The following KAZN variants were observed in gnomAD, a reference collection of about 807,000 sequenced individuals.
KAZN encodes the protein kazrin.
In KAZN, 40 loss-of-function variants were observed where a neutral mutation model predicts 87.4. The observed-to-expected ratio is 0.46, with a 90% CI of 0.36 to 0.60. The LOEUF (loss-of-function observed/expected upper bound fraction) is 0.60, where lower values mean the gene tolerates loss of function less well. KAZN is among the 20% of genes least tolerant of loss of function. The pLI, the probability that KAZN is intolerant of heterozygous loss-of-function variation, is 0.00. For missense variants in KAZN, 898 were observed against 1,073.9 expected, an observed-to-expected ratio of 0.84 and a Z score of 2.29; for synonymous variants, 466 against 458.3, an observed-to-expected ratio of 1.02 and a Z score of -0.22.
chr1:14,507,036 T>C (rs1053725273), intron 2 of KAZN, among the ~76,000 whole-genome samples: 15 of 152,152 alleles, frequency 9.9e-5, no homozygotes, highest in African/African-American at 2.7e-4. Flanking sequence ...CTTCCAAACA[T>C]AGATTTTCGT....
chr1:14,172,921 G>A (rs1273558311), intron 1 of KAZN, among the ~76,000 whole-genome samples: 2 of 152,200 alleles, frequency 1.3e-5, no homozygotes, highest in Non-Finnish European at 2.9e-5. Flanking sequence ...CTTCCTCCAA[G>A]TATGGCGGTC....
intron 1 of KAZN, among the ~76,000 whole-genome samples, chr1:14,730,539 G>C (rs1355958975): frequency 6.6e-6 from 1 of 152,132 alleles, no homozygotes; most frequent in Non-Finnish European, 1.5e-5. Context: ...AACACAGGCA[G>C]AGTCTCATGT....
intron 4 of KAZN, among the ~76,000 whole-genome samples, chr1:15,051,670 A>G (rs11586302): frequency 0.14 from 20,599 of 152,176 alleles, 2,527 homozygotes; most frequent in African/African-American, 0.33. Flanking sequence ...TGTGGAGCCT[A>G]CCTTGGGATC....
intron 1 of KAZN, among the ~76,000 whole-genome samples, chr1:14,766,722 C>T (rs186122569): frequency 1.9e-3 from 282 of 150,020 alleles, no homozygotes; most frequent in Middle Eastern, 3.4e-3. Flanking sequence ...ATTTATCCCA[C>T]GATGGGAGGC....
rs147005362 is a variant in KAZN at position 14,476,858 on chromosome 1, G to A, written c.250-122125G>A. ...CTTCTTTGTCCACTTCTCTCTAGCC[G>A]TGGCGATACCTTTTTGTTCTCCGAC... is the stretch of plus-strand genomic sequence containing the variant. On this transcript the variant is annotated intron_variant, in intron 2 of 16. Coordinates refer to the KAZN transcript ENST00000636203. Among the ~76,000 whole-genome samples, 1,477 of 152,080 alleles carry A rather than the reference G, an allele frequency of 9.7e-3. 17 individuals are homozygous for A. Among genetic ancestry groups the A allele is most frequent in the Middle Eastern group, 0.024 (7 of 294 alleles).
intron 2 of KAZN, among the ~76,000 whole-genome samples, chr1:14,425,745 A>C (rs747902606): frequency 3.0e-4 from 46 of 152,138 alleles, no homozygotes; most frequent in Admixed American, 3.0e-3. Context: ...TGGTCCTCCC[A>C]GTGGCCCTGG....
intron 2 of KAZN, among the ~76,000 whole-genome samples, chr1:14,529,376 G>GTC (rs1337346229): frequency 6.6e-6 from 1 of 152,222 alleles, no homozygotes; most frequent in East Asian, 1.9e-4. Context: ...AGCATCATGT[G>GTC]TCTCTGAGGG....
intron 2 of KAZN, chr1:14,221,775 T>C (rs1647104633): frequency 1.3e-5 from 2 of 152,166 alleles, no homozygotes; most frequent in Admixed American, 6.5e-5. Flanking sequence ...GTGATATGGA[T>C]AATCAAGAAT....
At position 15,043,092 on chromosome 1, in the gene KAZN, G is replaced by A. The variant is rs1275923873; in HGVS notation, c.556-897G>A. On this transcript the variant is annotated intron_variant, in intron 3 of 14. Transcript: ENST00000376030. ...CACAGAAAACAGCTCATGCAGGAGG[G>A]CCAGCCTGGGGAGGGGCTGGGGCAA... 2.0e-5 allele frequency among the ~76,000 whole-genome samples: 3 copies of A among 152,196 alleles called. No homozygotes were observed. The East Asian group carries it at 5.8e-4, about 29-fold the overall frequency.
chr1:14,632,978 G>A (rs1191245121), intron 1 of KAZN, among the ~76,000 whole-genome samples: 5 of 152,006 alleles, frequency 3.3e-5, no homozygotes, highest in South Asian at 2.1e-4. Flanking sequence ...GTGCAGTGGC[G>A]CCATCTCGGC....
intron 2 of KAZN, among the ~76,000 whole-genome samples, chr1:15,010,693 CT>C (rs1400209887): frequency 6.6e-6 from 1 of 152,086 alleles, no homozygotes. Context: ...CCCGGCCCGT[CT>C]TGCTTTTGTG....
chr1:15,030,069 G>A (rs10927634), intron 2 of KAZN, among the ~76,000 whole-genome samples: 19,827 of 152,154 alleles, frequency 0.13, 1,633 homozygotes, highest in Admixed American at 0.21. Flanking sequence ...TTAACCAGCT[G>A]TGTGGTCTTC....
intron 1 of KAZN, among the ~76,000 whole-genome samples, chr1:14,625,709 G>A (rs1352537303): frequency 1.3e-5 from 2 of 152,212 alleles, no homozygotes; most frequent in East Asian, 1.9e-4. Context: ...AAAGTCTCTC[G>A]ATTCAGCAGG....
chr1:14,481,811 C>G (rs1315948468), intron 2 of KAZN, among the ~76,000 whole-genome samples: 2 of 152,154 alleles, frequency 1.3e-5, no homozygotes, highest in African/African-American at 4.8e-5. Context: ...GCTGGAGATG[C>G]CTGTGAAGGA....
At chr1:14,321,466 T>C (rs1656047100) in intron 2 of KAZN, among the ~76,000 whole-genome samples, 1 of 152,140 alleles carries the variant, frequency 6.6e-6, no homozygotes, top group Non-Finnish European at 1.5e-5. Context: ...GGGTATTTAA[T>C]TACAGAGGGG....
intron 8 of KAZN, among the ~76,000 whole-genome samples, chr1:15,075,652 G>A (rs1639705454): frequency 1.3e-5 from 2 of 152,146 alleles, no homozygotes; most frequent in African/African-American, 4.8e-5. Flanking sequence ...CCAGAAGGGA[G>A]GTGACAGACA....
intron 1 of KAZN, among the ~76,000 whole-genome samples, chr1:14,839,745 C>T (rs1234671028): frequency 2.6e-5 from 4 of 152,204 alleles, no homozygotes; most frequent in Non-Finnish European, 5.9e-5. Flanking sequence ...CTAATCCTCA[C>T]CCTGACGTCC....
chr1:14,063,189 A>T (rs1211618408), intron 1 of KAZN, among the ~76,000 whole-genome samples: 1 of 152,198 alleles, frequency 6.6e-6, no homozygotes, highest in Non-Finnish European at 1.5e-5. Flanking sequence ...ACTTGCAGAG[A>T]TGAATAAAAC....
chr1:14,707,704 C>CATCCCT (rs1642281784), intron 1 of KAZN, among the ~76,000 whole-genome samples: 1 of 152,162 alleles, frequency 6.6e-6, no homozygotes, highest in Admixed American at 6.5e-5. Context: ...GTTTGTTTGT[C>CATCCCT]GTGTCAGTCA....
Sources: allele counts gnomAD v4.1 joint callset (sites outside exome capture counted in the v4.1 genomes callset), GRCh38; gene constraint gnomAD v4.1.1; transcripts MANE v1.5; gene names NCBI Gene and HGNC (gene_info 2026-07-23, HGNC 2026-07-21).